AHDC1: variants seen among roughly 807,000 people sequenced by gnomAD.
AHDC1 encodes the protein transcription factor Gibbin.
In AHDC1, 7 loss-of-function variants were observed where a neutral mutation model predicts 87.9. The observed-to-expected ratio is 0.08, with a 90% CI of 0.05 to 0.15. The LOEUF is 0.15. AHDC1 is among the 10% of genes least tolerant of loss of function. The pLI, the probability that AHDC1 is intolerant of heterozygous loss-of-function variation, is 1.00. For missense variants in AHDC1, 1,841 were observed against 2,253.2 expected (o/e 0.82, Z 3.70); for synonymous variants, 1,051 against 1,006.8 (o/e 1.04, Z -0.83).
chr1:27,587,874 A>G (rs546693218), intron 3 of AHDC1, among the ~76,000 whole-genome samples: 8 of 152,236 alleles, frequency 5.3e-5, no homozygotes, highest in African/African-American at 1.9e-4. Context: ...CAGGAACTGG[A>G]ACCCCACTGA....
Position 27,598,057 on chromosome 1 carries a change from CA to C in AHDC1, c.-629+5339del, listed in dbSNP as rs2089424534. Among the ~76,000 whole-genome samples the C allele has an allele frequency of 6.6e-6, 1 of 152,134 alleles. No homozygotes were observed. Among genetic ancestry groups the C allele is most frequent in the Non-Finnish European group, 1.5e-5 (1 of 68,016 alleles). Reference sequence around the variant, plus strand: ...GTCTGGCTGTCTGTGTTAGTCCTTCCAAGGGTGCCCACTCGCTCCCCAAGGC... The same window carrying C: ...GTCTGGCTGTCTGTGTTAGTCCTTCCAGGGTGCCCACTCGCTCCCCAAGGC... On this transcript the variant is annotated intron_variant, in intron 3 of 8. Transcript: ENST00000673934. This position sits in a 1 kb window ranked among gnomAD's most constrained non-coding sequence, Gnocchi z 4.2.
At chr1:27,554,404 T>C (rs1340606379) in intron 5 of AHDC1, among the ~76,000 whole-genome samples, 3 of 152,206 alleles carry the variant, frequency 2.0e-5, no homozygotes, top group African/African-American at 7.2e-5. Context: ...CACAAGAGTG[T>C]GGGCTCTTCA....
chr1:27,569,977 C>A (rs1423197132), intron 3 of AHDC1, among the ~76,000 whole-genome samples: 2 of 152,146 alleles, frequency 1.3e-5, no homozygotes, highest in East Asian at 3.9e-4. Flanking sequence ...TGTGCCTAGA[C>A]TCCCTGGAGC....
intron 3 of AHDC1, among the ~76,000 whole-genome samples, chr1:27,575,506 G>T (rs2088696845): frequency 6.6e-6 from 1 of 152,036 alleles, no homozygotes; most frequent in Non-Finnish European, 1.5e-5. Context: ...CTAGGGTCGG[G>T]CGCCAGGCGC....
At position 27,551,351 on chromosome 1, in the gene AHDC1, C is replaced by T; in HGVS notation, c.765G>A (p.Glu255=). 6.2e-7 allele frequency: 1 copy of T among 1,613,628 alleles called. No individual in the cohort carries two copies. The highest frequency in any genetic ancestry group is 8.5e-7 in the Non-Finnish European group (1 of 1,179,930). The change falls in exon 8 of 9, where the codon GAG becomes GAA. Residue 255 remains glutamate, a synonymous_variant. Coordinates refer to ENST00000673934, the MANE Select transcript of AHDC1 (RefSeq NM_001371928.1). ...LSELASLTCP[E]AQLLEAQALE... Reference sequence around the variant, plus strand: ...GGGCCTGGGCCTCTAGCAGCTGGGCCTCTGGGCAAGTGAGGGAGGCCAGCT... The same window carrying T: ...GGGCCTGGGCCTCTAGCAGCTGGGCTTCTGGGCAAGTGAGGGAGGCCAGCT...
intron 3 of AHDC1, among the ~76,000 whole-genome samples, chr1:27,575,617 C>T (rs1390332139): frequency 6.6e-6 from 1 of 151,510 alleles, no homozygotes; most frequent in Non-Finnish European, 1.5e-5. Context: ...CAGCGCGCAG[C>T]CCGGGCTGCC....
In AHDC1 at chr1:27,565,538, A is replaced by T. The variant is rs2020280847; in HGVS notation, c.-628-6655T>A. Among the ~76,000 whole-genome samples, 1 of 152,180 alleles carries T rather than the reference A, an allele frequency of 6.6e-6. No individual in the cohort carries two copies. The highest frequency in any genetic ancestry group is 2.4e-5 in the African/African-American group (1 of 41,434). On this transcript the variant is annotated intron_variant, in intron 3 of 8. Transcript: ENST00000673934. This position sits in a 1 kb window ranked among gnomAD's most constrained non-coding sequence, Gnocchi z 4.6. The stretch of plus-strand genomic sequence containing the variant: ...GACCCTGATTCCACCCATGCCCTGG[A>T]CAAACATTCTGTCTGGTGTCCCCCG...
intron 3 of AHDC1, among the ~76,000 whole-genome samples, chr1:27,574,736 T>TG (rs1468548178): frequency 6.6e-6 from 1 of 152,162 alleles, no homozygotes; most frequent in African/African-American, 2.4e-5. Flanking sequence ...CAAATGGTGC[T>TG]GGAAGGGAAC....
chr1:27,539,680 G>A (rs1278646821), intron 8 of AHDC1, among the ~76,000 whole-genome samples: 1 of 151,974 alleles, frequency 6.6e-6, no homozygotes, highest in Non-Finnish European at 1.5e-5. Context: ...TCCTGACCTC[G>A]TGATCCACCC....
rs2019547615 is a variant in AHDC1 at position 27,551,340 on chromosome 1, AGCAGCTGGGCCTCTG to A, written c.761_775del (p.Pro254_Leu258del). 1.9e-6 allele frequency: 3 copies of A among 1,613,270 alleles called. No homozygotes were observed. On this transcript the variant is annotated inframe_deletion, in exon 8 of 9. Coordinates refer to ENST00000673934, the MANE Select transcript of AHDC1 (RefSeq NM_001371928.1). ...TGGTGGCTCGAGGGCCTGGGCCTCT[AGCAGCTGGGCCTCTG>A]GGCAAGTGAGGGAGGCCAGCTCACT... is the stretch of plus-strand genomic sequence containing the variant.
Position 27,552,010 on chromosome 1 carries a change from G to C in AHDC1, c.106C>G (p.Arg36Gly). ...KYYPGGPPTP[R>G]PLLPTRPPAS... ...GGGGGCCGGGTGGGAAGCAGGGGCCGGGGGGTGGGGGGGCCGCCGGGGTAG... is the reference window on the plus strand; with the variant it reads ...GGGGGCCGGGTGGGAAGCAGGGGCCCGGGGGTGGGGGGGCCGCCGGGGTAG... Residue 36 changes from arginine (R) to glycine (G), a missense_variant, in exon 8 of 9, where the codon CGG becomes GGG. This residue lies in a region of AHDC1 where 142 missense variants were observed against 165.6 expected (regional missense o/e 0.86). Transcript: ENST00000673934. The C allele has an allele frequency of 6.8e-7, 1 of 1,468,286 alleles. No homozygotes were observed. The highest frequency in any genetic ancestry group is 9.0e-7 in the Non-Finnish European group (1 of 1,111,032). 91.0% of individuals were successfully genotyped at this position (1,468,286 alleles called of 1,614,324 possible). A position where few individuals can be genotyped will look rare whatever the true frequency, so the allele number is the denominator to read the frequency against.
intron 3 of AHDC1, among the ~76,000 whole-genome samples, chr1:27,570,795 A>G (rs1571293546): frequency 6.6e-6 from 1 of 152,128 alleles, no homozygotes; most frequent in African/African-American, 2.4e-5. Flanking sequence ...AGCTTTATGT[A>G]TCTTAATACT....
chr1:27,591,032 A>C (rs570027920), intron 3 of AHDC1, among the ~76,000 whole-genome samples: 156 of 152,278 alleles, frequency 1.0e-3, no homozygotes, highest in African/African-American at 3.6e-3. Flanking sequence ...TCCCAGCCCC[A>C]GCCTGGTCCC....
chr1:27,570,545 A>G (rs2020521371), intron 3 of AHDC1, among the ~76,000 whole-genome samples: 1 of 152,044 alleles, frequency 6.6e-6, no homozygotes, highest in Non-Finnish European at 1.5e-5. Flanking sequence ...CCTCTGACCC[A>G]GCCAAAAACC....
chr1:27,575,531 C>A (rs1483087335), intron 3 of AHDC1, among the ~76,000 whole-genome samples: 4 of 152,006 alleles, frequency 2.6e-5, no homozygotes, highest in Non-Finnish European at 5.9e-5. Context: ...GCCCGAGCTG[C>A]GCGCTTAGCT....
chr1:27,552,424 A>G lies in AHDC1; in HGVS notation c.-74-235T>C, dbSNP rs2019621971. ...ACTTTTTTTTTTTTTTTTGGAAGAG[A>G]GTCTCACTCTGTCGCCCAGGCTAGA... On this transcript the variant is annotated intron_variant, in intron 7 of 8. Transcript: ENST00000673934. 6 of 315,316 alleles carry G rather than the reference A, an allele frequency of 1.9e-5. No individual in the cohort carries two copies. In the South Asian group the frequency reaches 9.4e-4, roughly 49 times the overall value. 19.5% of individuals were successfully genotyped at this position (315,316 alleles called of 1,614,324 possible). A position where few individuals can be genotyped will look rare whatever the true frequency, so the allele number is the denominator to read the frequency against.
At position 27,562,631 on chromosome 1, in the gene AHDC1, C is replaced by A. The variant is rs552053096; in HGVS notation, c.-628-3748G>T. Reference sequence around the variant, plus strand: ...CATATGGGTGAGAGGGTAGATCATGCGGGACTGAGCACCCCCCAGCTCCCA... The same window carrying A: ...CATATGGGTGAGAGGGTAGATCATGAGGGACTGAGCACCCCCCAGCTCCCA... On this transcript the variant is annotated intron_variant, in intron 3 of 8. Transcript: ENST00000673934. This position sits in a 1 kb window ranked among gnomAD's most constrained non-coding sequence, Gnocchi z 4.4. Among the ~76,000 whole-genome samples, 6 of 152,268 alleles carry A rather than the reference C, an allele frequency of 3.9e-5. No homozygotes were observed. In the East Asian group the frequency reaches 5.8e-4, roughly 15 times the overall value.
rs1209851106 is a variant in AHDC1, at chr1:27,562,190, G to A, written c.-628-3307C>T. On this transcript the variant is annotated intron_variant, in intron 3 of 8. Coordinates refer to ENST00000673934, the MANE Select transcript of AHDC1 (RefSeq NM_001371928.1). The surrounding 1 kb of genome is among the most constrained non-coding windows in gnomAD (Gnocchi z 4.4). ...CCAGAGCTGGGATGTGTGGGCAGGG[G>A]GAGTGGACGCGCCCAAGCTGGCTCG... Among the ~76,000 whole-genome samples, 1 of 152,130 alleles carries A rather than the reference G, an allele frequency of 6.6e-6. No homozygotes were observed. Among genetic ancestry groups the A allele is most frequent in the African/African-American group, 2.4e-5 (1 of 41,410 alleles).
At chr1:27,571,509 G>T (rs1179354925) in intron 3 of AHDC1, among the ~76,000 whole-genome samples, 1 of 151,970 alleles carries the variant, frequency 6.6e-6, no homozygotes, top group Admixed American at 6.5e-5. Context: ...GGCCCCCTCG[G>T]CCCACAGCCC....
Sources: gnomAD v4.1 joint callset for allele counts (sites outside exome capture counted in the v4.1 genomes callset) on GRCh38, gnomAD v4.1.1 for gene constraint, gnomAD v4.1.1 regional missense constraint, Gnocchi (gnomAD v3.1) non-coding constraint, MANE v1.5 for transcripts, NCBI Gene and HGNC (gene_info 2026-07-23, HGNC 2026-07-21) for gene names.